The following SGCZ variants were observed in gnomAD, a reference collection of about 807,000 sequenced individuals.
SGCZ encodes the protein zeta-sarcoglycan.
A neutral mutation model predicts 41.3 loss-of-function variants in SGCZ; 40 were observed. That is an observed-to-expected ratio of 0.97 (90% confidence interval 0.75 to 1.26). The LOEUF is 1.26. Ranked by LOEUF, SGCZ falls within the 50% of genes most tolerant of loss-of-function variation. The probability of loss-of-function intolerance (pLI) is 0.00; values close to 1 mark genes in which losing one functional copy is unlikely to be tolerated. For synonymous variants in SGCZ, 206 were observed against 137.5 expected, an observed-to-expected ratio of 1.50 and a Z score of -3.49; for missense variants, 552 against 369.8, an observed-to-expected ratio of 1.49 and a Z score of -4.04.
intron 1 of SGCZ, among the ~76,000 whole-genome samples, chr8:14,900,651 G>C (rs1189497775): frequency 6.6e-6 from 1 of 152,090 alleles, no homozygotes; most frequent in Non-Finnish European, 1.5e-5. Flanking sequence ...TGAATACCAG[G>C]TTTAATTTCA....
intron 1 of SGCZ, among the ~76,000 whole-genome samples, chr8:14,664,059 C>T (rs1807833668): frequency 6.6e-6 from 1 of 152,104 alleles, no homozygotes; most frequent in Admixed American, 6.6e-5. Context: ...TCTGATAGAG[C>T]TAAGTGCTGT....
At position 15,199,694 on chromosome 8, in the gene SGCZ, A is replaced by C. The variant is rs564287956; in HGVS notation, c.39+37891T>G. ...TGCTAACACCTGTCAATAATATCAA[A>C]GTAGAAATTAGTAATTACAATATAA... On this transcript the variant is annotated intron_variant, in intron 1 of 7. Coordinates refer to ENST00000382080, the MANE Select transcript of SGCZ (RefSeq NM_139167.4). Among the ~76,000 whole-genome samples, 515 of 152,352 alleles carry C rather than the reference A, an allele frequency of 3.4e-3. 2 individuals are homozygous for C. Among genetic ancestry groups the C allele is most frequent in the Middle Eastern group, 0.01 (3 of 294 alleles).
At chr8:14,222,550 C>T (rs1269847023) in intron 4 of SGCZ, among the ~76,000 whole-genome samples, 1 of 152,026 alleles carries the variant, frequency 6.6e-6, no homozygotes, top group Middle Eastern at 3.2e-3. Context: ...CTTCCTTCTG[C>T]AGCTTCTGAC....
At chr8:14,122,016 C>A (rs370769693) in intron 5 of SGCZ, among the ~76,000 whole-genome samples, 5 of 152,160 alleles carry the variant, frequency 3.3e-5, no homozygotes, top group African/African-American at 1.2e-4. Flanking sequence ...CTGTAGCTCA[C>A]GCCTGTAATC....
intron 4 of SGCZ, among the ~76,000 whole-genome samples, chr8:14,175,723 A>C (rs142031601): frequency 1.3e-5 from 2 of 152,250 alleles, no homozygotes; most frequent in Non-Finnish European, 2.9e-5. Context: ...TTAAATACTC[A>C]AATATGTCAC....
intron 2 of SGCZ, among the ~76,000 whole-genome samples, chr8:14,469,140 T>C (rs1218946879): frequency 6.6e-6 from 1 of 152,112 alleles, no homozygotes; most frequent in African/African-American, 2.4e-5. Flanking sequence ...TTTGCTTCAA[T>C]GGTGCCCTAT....
chr8:14,187,940 A>G (rs1317734133), intron 4 of SGCZ, among the ~76,000 whole-genome samples: 1 of 152,210 alleles, frequency 6.6e-6, no homozygotes, highest in Admixed American at 6.5e-5. Flanking sequence ...TGAAAGGAGC[A>G]AGAGAAAAAT....
At chr8:14,466,346 T>C (rs986277967) in intron 2 of SGCZ, among the ~76,000 whole-genome samples, 1 of 152,000 alleles carries the variant, frequency 6.6e-6, no homozygotes, top group Non-Finnish European at 1.5e-5. Flanking sequence ...TGTAATGTTA[T>C]TGAGCATCCT....
intron 1 of SGCZ, among the ~76,000 whole-genome samples, chr8:14,887,584 A>G (rs1187102581): frequency 6.6e-6 from 1 of 152,212 alleles, no homozygotes; most frequent in Non-Finnish European, 1.5e-5. Flanking sequence ...ATAGCTATAC[A>G]TATACATATA....
chr8:14,983,018 G>A (rs1341403217), intron 1 of SGCZ, among the ~76,000 whole-genome samples: 1 of 152,130 alleles, frequency 6.6e-6, no homozygotes, highest in African/African-American at 2.4e-5. Flanking sequence ...AATCATTTGG[G>A]TTTGGTTTCC....
At chr8:14,213,799 G>C (rs11787257) in intron 4 of SGCZ, among the ~76,000 whole-genome samples, 13,083 of 152,002 alleles carry the variant, frequency 0.086, 749 homozygotes, top group Middle Eastern at 0.12. Context: ...AAAAGATCAT[G>C]GGACCTAAAT....
intron 5 of SGCZ, among the ~76,000 whole-genome samples, chr8:14,119,041 G>C (rs535678849): frequency 6.6e-6 from 1 of 152,080 alleles, no homozygotes; most frequent in African/African-American, 2.4e-5. Context: ...TCTTGGCTAC[G>C]TGGGCTCTTT....
At chr8:14,163,218 G>C (rs1041409370) in intron 5 of SGCZ, among the ~76,000 whole-genome samples, 1 of 152,086 alleles carries the variant, frequency 6.6e-6, no homozygotes, top group Non-Finnish European at 1.5e-5. Context: ...TTGTTACAGA[G>C]GTAAACTTGT....
intron 2 of SGCZ, among the ~76,000 whole-genome samples, chr8:14,391,084 G>A (rs1333650518): frequency 6.6e-6 from 1 of 152,096 alleles, no homozygotes; most frequent in Admixed American, 6.6e-5. Flanking sequence ...TCCATAGTAA[G>A]TCTCTAGGGC....
At chr8:14,227,079 G>A (rs889836392) in intron 4 of SGCZ, among the ~76,000 whole-genome samples, 4 of 151,982 alleles carry the variant, frequency 2.6e-5, no homozygotes, top group Admixed American at 1.3e-4. Context: ...CAATCAGCCC[G>A]CAAGTGAGAA....
chr8:15,115,574 C>T (rs1428169962), intron 1 of SGCZ, among the ~76,000 whole-genome samples: 1 of 152,140 alleles, frequency 6.6e-6, no homozygotes, highest in Non-Finnish European at 1.5e-5. Context: ...TAAAGGCTTT[C>T]CTCAAGACAA....
At chr8:14,232,942 A>G (rs1806623800) in intron 4 of SGCZ, among the ~76,000 whole-genome samples, 1 of 152,036 alleles carries the variant, frequency 6.6e-6, no homozygotes. Context: ...ATTCACCTTA[A>G]TGTTTTACTG....
At chr8:15,222,491 A>G (rs1801638124) in intron 1 of SGCZ, among the ~76,000 whole-genome samples, 2 of 152,216 alleles carry the variant, frequency 1.3e-5, no homozygotes, top group Non-Finnish European at 2.9e-5. Context: ...CAAATCTGAT[A>G]AATCAATTAG....
At chr8:14,370,464 G>A (rs1265508950) in intron 2 of SGCZ, among the ~76,000 whole-genome samples, 2 of 151,802 alleles carry the variant, frequency 1.3e-5, no homozygotes, top group Non-Finnish European at 2.9e-5. Flanking sequence ...TTGGTTATAT[G>A]AAATTGACTA....
Sources: allele counts gnomAD v4.1 joint callset (sites outside exome capture counted in the v4.1 genomes callset), GRCh38; gene constraint gnomAD v4.1.1; transcripts MANE v1.5; gene names NCBI Gene and HGNC (gene_info 2026-07-23, HGNC 2026-07-21).